Variants in DNAH1 observed in about 807,000 individuals in gnomAD.
DNAH1 encodes the protein dynein axonemal heavy chain 1.
Under a neutral mutation model 484.3 loss-of-function variants are expected in DNAH1, and 327 were observed. That is an observed-to-expected ratio of 0.68 (90% CI 0.62 to 0.74). DNAH1 has a LOEUF of 0.74. Ranked by LOEUF, DNAH1 falls within the 30% of genes least tolerant of loss-of-function variation. The pLI is 0.00. For missense variants in DNAH1, 5,052 were observed against 5,546.8 expected (o/e 0.91, Z 2.83); for synonymous variants, 2,192 against 2,191.9 (o/e 1.00, Z 0.00).
chr3:52,373,053 G>A lies in DNAH1; in HGVS notation c.6985G>A (p.Gly2329Ser), dbSNP rs1451767217. The A allele has an allele frequency of 3.1e-6, 5 of 1,609,242 alleles. No homozygotes were observed. The highest frequency in any genetic ancestry group is 4.2e-6 in the Non-Finnish European group (5 of 1,177,880). ...CGGCTGGTACGACCGCAAGATCATTGGTGAGTGTGGCCGGCCTGGCTCACA... is the reference window on the plus strand; with the variant it reads ...CGGCTGGTACGACCGCAAGATCATTAGTGAGTGTGGCCGGCCTGGCTCACA... Reference protein sequence around the residue: ...HGGWYDRKIIGAFKNLVDINF... With the variant: ...HGGWYDRKIISAFKNLVDINF... The change falls in exon 44 of 78, where the codon GGT becomes AGT. Residue 2329 changes from glycine (G) to serine (S), a missense_variant and splice_region_variant. Physicochemically the swap from Gly to Ser is moderately conservative, Grantham distance 56 (BLOSUM62 0). Coordinates refer to ENST00000420323, the MANE Select transcript of DNAH1 (RefSeq NM_015512.5).
chr3:52,358,428 G>C lies in DNAH1; in HGVS notation c.4087-130G>C. The C allele has an allele frequency of 4.8e-6, 5 of 1,031,314 alleles. No individual in the cohort carries two copies. Among genetic ancestry groups the C allele is most frequent in the Non-Finnish European group, 6.9e-6 (5 of 727,450 alleles). 63.9% of individuals were successfully genotyped at this position (1,031,314 alleles called of 1,614,324 possible). A position where few individuals can be genotyped will look rare whatever the true frequency, so the allele number is the denominator to read the frequency against. ...GAAGGCCCAGCCAAGATAGACTCTC[G>C]GGGGGACGGGAAGGCAGGGCTTTCT... On this transcript the variant is annotated intron_variant, in intron 24 of 77. Transcript: ENST00000420323. This position sits in a 1 kb window ranked among gnomAD's most constrained non-coding sequence, Gnocchi z 4.2.
chr3:52,326,088 T>G (rs1164580481), intron 3 of DNAH1, 52 bp from the exon 4 acceptor site: 1 of 1,427,748 alleles, frequency 7.0e-7, no homozygotes, highest in Non-Finnish European at 9.2e-7. Context: ...GGAGGCTGGT[T>G]TTTGGGTGCT....
chr3:52,328,405 A>G (rs1238729400), intron 6 of DNAH1, among the ~76,000 whole-genome samples: 1 of 152,102 alleles, frequency 6.6e-6, no homozygotes. Flanking sequence ...TGTGTGCACA[A>G]CACACACCAT....
In DNAH1 at chr3:52,392,945, A is replaced by G. The variant is rs375477856; in HGVS notation, c.10394A>G (p.Asn3465Ser). The part of the protein sequence containing the change: ...ILFFCVSDLA[N>S]VDPMYQYSLE... ...TTCTTCTGTGTGTCCGACCTGGCCAACGTGGACCCCATGTACCAGTACTCC... is the reference window on the plus strand; with the variant it reads ...TTCTTCTGTGTGTCCGACCTGGCCAGCGTGGACCCCATGTACCAGTACTCC... Residue 3465 changes from asparagine (N) to serine (S), a missense_variant, in exon 65 of 78, where the codon AAC (asparagine) becomes AGC (serine). By Grantham distance (46) the Asn-to-Ser change is conservative (BLOSUM62 1). Around this residue, in one of 4 missense-constraint regions of DNAH1, gnomAD observed 2,929 missense variants for 3,409.4 expected, o/e 0.86. Coordinates refer to ENST00000420323, the MANE Select transcript of DNAH1 (RefSeq NM_015512.5). 216 of 1,613,496 alleles carry G rather than the reference A, an allele frequency of 1.3e-4. 1 individual carries two copies. The highest frequency in any genetic ancestry group is 1.7e-4 in the Non-Finnish European group (199 of 1,179,788).
Position 52,349,344 on chromosome 3 carries a change from T to C in DNAH1, c.2450T>C (p.Leu817Pro). ...AACACCGACAATGTCAAGCAGAGCCTGTCCAAGAAACGCAAGGCCCTGGCC... is the reference window on the plus strand; with the variant it reads ...AACACCGACAATGTCAAGCAGAGCCCGTCCAAGAAACGCAAGGCCCTGGCC... ...YINTDNVKQSLSKKRKALATS... is the reference protein window; with the variant it reads ...YINTDNVKQSPSKKRKALATS... The change falls in exon 14 of 78, where the codon CTG (leucine) becomes CCG (proline). Residue 817 changes from leucine (L) to proline (P), a missense_variant. By Grantham distance (98) the Leu-to-Pro change is moderately conservative. Around this residue, in one of 4 missense-constraint regions of DNAH1, gnomAD observed 1,263 missense variants for 1,218.8 expected, o/e 1.04. Coordinates refer to ENST00000420323, the MANE Select transcript of DNAH1 (RefSeq NM_015512.5). The C allele has an allele frequency of 1.4e-5, 22 of 1,614,008 alleles. No homozygotes were observed. Among genetic ancestry groups the C allele is most frequent in the Non-Finnish European group, 1.9e-5 (22 of 1,179,886 alleles).
At chr3:52,391,733 A>G in intron 63 of DNAH1, 130 bp downstream of exon 63, 1 of 1,090,936 alleles carries the variant, frequency 9.2e-7, no homozygotes, top group East Asian at 2.5e-5. Context: ...GTTTCACCCC[A>G]GGCACTCACA....
At chr3:52,351,585 C>T (rs1438433609) in intron 16 of DNAH1, among the ~76,000 whole-genome samples, 4 of 152,230 alleles carry the variant, frequency 2.6e-5, no homozygotes, top group African/African-American at 4.8e-5. Context: ...AGGGCCCTGG[C>T]TAGAGACTGT....
chr3:52,326,590 GAT>G, intron 4 of DNAH1, 143 bp from the exon 5 acceptor site: 2 of 1,078,084 alleles, frequency 1.9e-6, no homozygotes, highest in Non-Finnish European at 2.6e-6. Flanking sequence ...ACCACTTCCT[GAT>G]GAGTCTCAGA....
At chr3:52,320,257 T>C (rs1453665608) in intron 1 of DNAH1, among the ~76,000 whole-genome samples, 1 of 152,150 alleles carries the variant, frequency 6.6e-6, no homozygotes, top group East Asian at 1.9e-4. Flanking sequence ...CTTCGGGAAG[T>C]GTTGGTGACT....
intron 8 of DNAH1, among the ~76,000 whole-genome samples, chr3:52,344,175 A>G (rs1702052862): frequency 6.6e-6 from 1 of 152,114 alleles, no homozygotes; most frequent in Non-Finnish European, 1.5e-5. Flanking sequence ...CAGCTCTCTG[A>G]GGCTTCCAGG....
At chr3:52,386,029 A>T in intron 54 of DNAH1, 131 bp from the exon 55 acceptor site, 1 of 1,066,800 alleles carries the variant, frequency 9.4e-7, no homozygotes, top group African/African-American at 1.6e-5. Flanking sequence ...TGGTATTCCC[A>T]GACCTCTCTG....
At position 52,331,325 on chromosome 3, in the gene DNAH1, G is replaced by T; in HGVS notation, c.1033+16G>T. The T allele has an allele frequency of 6.3e-7, 1 of 1,591,754 alleles. No individual in the cohort carries two copies. The highest frequency in any genetic ancestry group is 8.6e-7 in the Non-Finnish European group (1 of 1,169,588). The stretch of plus-strand genomic sequence containing the variant: ...ACCACTGAAGGTATGAGGTCCTGCC[G>T]CTGCCCCAGGCAGAACCCCAGCTTG... On this transcript the variant is annotated intron_variant, in intron 7 of 77. Transcript: ENST00000420323.
chr3:52,311,584 T>G (rs1311568321), upstream of DNAH1, among the ~76,000 whole-genome samples: 1 of 152,200 alleles, frequency 6.6e-6, no homozygotes, highest in Non-Finnish European at 1.5e-5. Context: ...TTCTTTAACC[T>G]GCCCTCCAGC....
At chr3:52,315,208 G>A (rs1700909889), upstream of DNAH1, among the ~76,000 whole-genome samples, 1 of 152,134 alleles carries the variant, frequency 6.6e-6, no homozygotes, top group South Asian at 2.1e-4. Context: ...TTGTGGCATA[G>A]CTCAGAGCTC....
In DNAH1 at chr3:52,352,667, A is replaced by G. The variant is rs776409837; in HGVS notation, c.2987A>G (p.Tyr996Cys). ...LKDCQQLAML[Y>C]NNRERIFSLP... The stretch of plus-strand genomic sequence containing the variant: ...GACTGCCAGCAGCTGGCCATGCTCT[A>G]CAACAACCGCGAGCGCATCTTCAGC... Residue 996 changes from tyrosine (Y) to cysteine (C), a missense_variant, in exon 18 of 78, where the codon TAC becomes TGC. Tyr to Cys is a radical substitution (Grantham distance 194). Transcript: ENST00000420323. 3.1e-6 allele frequency: 5 copies of G among 1,612,680 alleles called. No individual in the cohort carries two copies. The highest frequency in any genetic ancestry group is 1.7e-5 in the Admixed American group (1 of 59,818).
chr3:52,319,696 C>A (rs750750802), intron 1 of DNAH1, among the ~76,000 whole-genome samples: 1 of 152,190 alleles, frequency 6.6e-6, no homozygotes, highest in African/African-American at 2.4e-5. Flanking sequence ...CATGAGGCCG[C>A]GGCAGGAGGC....
chr3:52,362,349 C>G lies in DNAH1; in HGVS notation c.4981-39C>G. On this transcript the variant is annotated intron_variant, in intron 30 of 77. Transcript: ENST00000420323. This position sits in a 1 kb window ranked among gnomAD's most constrained non-coding sequence, Gnocchi z 5.1. ...ACTCAGAGGAGGGGACAAGGCTGGG[C>G]ACCCTAGTCCCAGGCAAGTCAGCCT... 3.2e-6 allele frequency: 5 copies of G among 1,570,970 alleles called. No homozygotes were observed. The highest frequency in any genetic ancestry group is 4.4e-6 in the Non-Finnish European group (5 of 1,148,532).
At chr3:52,348,861 G>T (rs1470537499) in intron 12 of DNAH1, 27 bp from the exon 13 acceptor site, 2 of 1,606,892 alleles carry the variant, frequency 1.2e-6, no homozygotes, top group South Asian at 1.1e-5. Flanking sequence ...ATCCAGGTCT[G>T]CCCTGCCACA....
At chr3:52,376,789 C>T (rs1004329474) in intron 46 of DNAH1, among the ~76,000 whole-genome samples, 24 of 152,120 alleles carry the variant, frequency 1.6e-4, no homozygotes, top group Admixed American at 1.3e-3. Flanking sequence ...CCGCTGCACC[C>T]GCCCTCCCCT....
Sources: allele counts gnomAD v4.1 joint callset (sites outside exome capture counted in the v4.1 genomes callset), GRCh38; gene constraint gnomAD v4.1.1; regional missense constraint gnomAD v4.1.1; non-coding constraint Gnocchi (gnomAD v3.1); transcripts MANE v1.5; gene names NCBI Gene and HGNC (gene_info 2026-07-23, HGNC 2026-07-21).